NREP: variants seen among roughly 807,000 people sequenced by gnomAD.
NREP encodes the protein neuronal regeneration-related protein.
In NREP, 5 loss-of-function variants were observed where a neutral mutation model predicts 8.6. That is an observed-to-expected ratio of 0.58 (90% confidence interval 0.30 to 1.22). The LOEUF (loss-of-function observed/expected upper bound fraction) is 1.22, where lower values mean the gene tolerates loss of function less well. NREP is among the 50% of genes most tolerant of loss of function. NREP has a pLI of 0.07. For synonymous variants in NREP, 27 were observed against 28.0 expected, an observed-to-expected ratio of 0.96 and a Z score of 0.11; for missense variants, 86 against 82.5, an observed-to-expected ratio of 1.04 and a Z score of -0.17.
chr5:111,790,808 AAC>A lies in NREP; in HGVS notation c.136-55303_136-55302del, dbSNP rs151197317. ...TGTTGAGTACAAATGACACTTGAAC[AAC>A]ACAGGTTTAAATTGTATAGCTCCAC... On this transcript the variant is annotated intron_variant, in intron 2 of 3. Coordinates refer to the NREP transcript ENST00000395634. Among the ~76,000 whole-genome samples the A allele has an allele frequency of 5.2e-3, 786 of 152,336 alleles. 1 individual carries two copies. Among genetic ancestry groups the A allele is most frequent in the African/African-American group, 0.018 (740 of 41,584 alleles).
intron 1 of NREP, chr5:111,975,522 G>T: frequency 1.6e-6 from 1 of 624,040 alleles, no homozygotes. Context: ...CAGGGTATAG[G>T]ATCAGTTTAT....
In NREP at chr5:111,915,896, G is replaced by A. The variant is rs199664634; in HGVS notation, c.135+59378C>T. On this transcript the variant is annotated intron_variant, in intron 2 of 3. Transcript: ENST00000395634. ...GGACATTAACGGTTTGCATCTAAAC[G>A]CTAATATTACTAGAAGAATTGTCCC... Among the ~76,000 whole-genome samples the A allele has an allele frequency of 1.2e-4, 18 of 152,074 alleles. No individual in the cohort carries two copies. The East Asian group carries it at 3.1e-3, about 26-fold the overall frequency.
chr5:111,975,308 A>C, exon 2 of NREP: 1 of 1,551,602 alleles, frequency 6.4e-7, no homozygotes, highest in Non-Finnish European at 8.7e-7. Flanking sequence ...GTGAACCTGG[A>C]AACATTTGGA....
chr5:111,928,201 A>G (rs757958231), intron 2 of NREP, among the ~76,000 whole-genome samples: 30 of 152,276 alleles, frequency 2.0e-4, no homozygotes, highest in Admixed American at 3.3e-4. Context: ...CAAACTATTT[A>G]CATCGCATAG....
chr5:111,744,272 T>G (rs1220891296), intron 2 of NREP, among the ~76,000 whole-genome samples: 2 of 152,180 alleles, frequency 1.3e-5, no homozygotes, highest in African/African-American at 4.8e-5. Context: ...TGCACTGTCC[T>G]GGTCATTTAA....
At chr5:111,873,093 C>T (rs1465010380) in intron 2 of NREP, among the ~76,000 whole-genome samples, 4 of 152,158 alleles carry the variant, frequency 2.6e-5, no homozygotes, top group African/African-American at 9.7e-5. Flanking sequence ...AAAATACCTA[C>T]CTCAATTGCT....
In NREP at chr5:111,947,322, A is replaced by G. The variant is rs572672902; in HGVS notation, c.135+27952T>C. Among the ~76,000 whole-genome samples the G allele has an allele frequency of 9.2e-5, 14 of 152,140 alleles. No homozygotes were observed. In the East Asian group the frequency reaches 2.1e-3, roughly 23 times the overall value. On this transcript the variant is annotated intron_variant, in intron 2 of 3. Transcript: ENST00000395634. ...TTAATTCAGATTCAATGTTCTTTCA[A>G]TTAAGAACTGAACTAAATTATCTAT...
intron 2 of NREP, among the ~76,000 whole-genome samples, chr5:111,959,013 A>G (rs1322022151): frequency 6.6e-6 from 1 of 151,802 alleles, no homozygotes; most frequent in African/African-American, 2.4e-5. Context: ...GGTTTTCAGA[A>G]AGAAAAAAAA....
chr5:111,905,500 C>A (rs1008580092), intron 2 of NREP, among the ~76,000 whole-genome samples: 3 of 152,054 alleles, frequency 2.0e-5, no homozygotes, highest in Admixed American at 1.3e-4. Flanking sequence ...AAATAGCGGT[C>A]CATGGAAGAC....
rs751443466 is a variant in NREP, at chr5:111,763,474, T to C, written c.136-27967A>G. ...TATTTTACTCAACACCTGGAAATAATTGTAAATCCCTGGAAAAGTCAAGTT... is the reference window on the plus strand; with the variant it reads ...TATTTTACTCAACACCTGGAAATAACTGTAAATCCCTGGAAAAGTCAAGTT... On this transcript the variant is annotated intron_variant, in intron 2 of 3. Coordinates refer to the NREP transcript ENST00000395634. Among the ~76,000 whole-genome samples, 3 of 152,176 alleles carry C rather than the reference T, an allele frequency of 2.0e-5. No homozygotes were observed. The East Asian group carries it at 5.8e-4, about 29-fold the overall frequency.
chr5:111,851,427 G>A (rs1048962741), intron 2 of NREP, among the ~76,000 whole-genome samples: 3 of 152,042 alleles, frequency 2.0e-5, no homozygotes, highest in Admixed American at 6.6e-5. Context: ...TTAATAGAAT[G>A]GAATTTTATA....
intron 2 of NREP, among the ~76,000 whole-genome samples, chr5:111,836,042 G>A (rs562024602): frequency 1.3e-5 from 2 of 152,208 alleles, no homozygotes; most frequent in East Asian, 3.9e-4. Context: ...TGTGTGGTCA[G>A]CAATTCATAT....
At chr5:111,912,437 A>G (rs1353508065) in intron 2 of NREP, 1 of 152,134 alleles carries the variant, frequency 6.6e-6, no homozygotes, top group African/African-American at 2.4e-5. Context: ...GTGACTGTAT[A>G]CACACCTTGC....
At chr5:111,929,324 A>G (rs1488613505) in intron 2 of NREP, among the ~76,000 whole-genome samples, 1 of 152,216 alleles carries the variant, frequency 6.6e-6, no homozygotes, top group Non-Finnish European at 1.5e-5. Context: ...AATTTAGTAT[A>G]CTAAGGAATT....
At chr5:111,733,300 G>A (rs2112783620) in intron 3 of NREP, 1 of 152,216 alleles carries the variant, frequency 6.6e-6, no homozygotes, top group South Asian at 2.1e-4. Context: ...CATACAGACT[G>A]GACCCTCATG....
intron 2 of NREP, among the ~76,000 whole-genome samples, chr5:111,873,570 C>A (rs1348427705): frequency 6.6e-6 from 1 of 152,146 alleles, no homozygotes; most frequent in Non-Finnish European, 1.5e-5. Context: ...TGGCTCCTGG[C>A]CCCTTCCTCC....
intron 2 of NREP, among the ~76,000 whole-genome samples, chr5:111,821,047 T>G (rs969851936): frequency 6.6e-5 from 10 of 152,196 alleles, no homozygotes; most frequent in Non-Finnish European, 7.3e-5. Flanking sequence ...AAGTCAGTGT[T>G]CTTCAAAAGC....
intron 2 of NREP, among the ~76,000 whole-genome samples, chr5:111,888,341 G>GT (rs1754312048): frequency 8.2e-6 from 1 of 122,170 alleles, no homozygotes; most frequent in Non-Finnish European, 1.7e-5. Context: ...TTGCTGGGTG[G>GT]CGGGGGGGGT....
intron 2 of NREP, among the ~76,000 whole-genome samples, chr5:111,745,303 G>T (rs1749931117): frequency 1.3e-5 from 2 of 152,208 alleles, no homozygotes; most frequent in South Asian, 4.1e-4. Context: ...CAGTGTTCAT[G>T]TGTTGCTACA....
Sources: allele counts gnomAD v4.1 joint callset (sites outside exome capture counted in the v4.1 genomes callset), GRCh38; gene constraint gnomAD v4.1.1; transcripts MANE v1.5; gene names NCBI Gene and HGNC (gene_info 2026-07-23, HGNC 2026-07-21).